Variants in MLLT3 observed in about 807,000 individuals in gnomAD.
The protein encoded by MLLT3 is protein AF-9.
Under a neutral mutation model 53.2 loss-of-function variants are expected in MLLT3, and 4 were observed. That is an observed-to-expected ratio of 0.08 (90% CI 0.04 to 0.17). The LOEUF is 0.17. Ranked by LOEUF, MLLT3 falls within the 10% of genes least tolerant of loss-of-function variation. The probability of loss-of-function intolerance (pLI) is 1.00; values close to 1 mark genes in which losing one functional copy is unlikely to be tolerated. For synonymous variants in MLLT3, 283 were observed against 230.6 expected (o/e 1.23, Z -2.06); for missense variants, 569 against 684.0 (o/e 0.83, Z 1.87).
At chr9:20,479,794 A>G (rs1426214015) in intron 2 of MLLT3, among the ~76,000 whole-genome samples, 1 of 152,236 alleles carries the variant, frequency 6.6e-6, no homozygotes, top group Non-Finnish European at 1.5e-5. Flanking sequence ...ATTCATTTGT[A>G]TATATAACCA....
intron 2 of MLLT3, among the ~76,000 whole-genome samples, chr9:20,578,140 G>C (rs912651120): frequency 7.2e-5 from 11 of 152,186 alleles, no homozygotes; most frequent in Non-Finnish European, 1.3e-4. Context: ...TGATAGAAGA[G>C]ATAGACAACA....
chr9:20,372,342 T>C (rs111895185), intron 5 of MLLT3, among the ~76,000 whole-genome samples: 3,660 of 152,262 alleles, frequency 0.024, 163 homozygotes, highest in African/African-American at 0.083. Context: ...ATGCTACAGA[T>C]AAATCTTTTG....
chr9:20,470,412 T>C (rs1424882244), intron 2 of MLLT3, among the ~76,000 whole-genome samples: 1 of 152,064 alleles, frequency 6.6e-6, no homozygotes, highest in Non-Finnish European at 1.5e-5. Context: ...ATTTCGTATG[T>C]TGAAAACCCA....
At chr9:20,519,822 T>C (rs1449389887) in intron 2 of MLLT3, among the ~76,000 whole-genome samples, 2 of 152,188 alleles carry the variant, frequency 1.3e-5, no homozygotes, top group African/African-American at 2.4e-5. Flanking sequence ...AGAATTACCA[T>C]TTGACCCAGC....
At position 20,484,501 on chromosome 9, in the gene MLLT3, T is replaced by C. The variant is rs147501256; in HGVS notation, c.194-27715A>G. On this transcript the variant is annotated intron_variant, in intron 2 of 10. Coordinates refer to ENST00000380338, the MANE Select transcript of MLLT3 (RefSeq NM_004529.4). ...TAGAACCAGAAATATTTATATACTTTTGGCTTTTACTCCCTCAACCCTATG... is the reference window on the plus strand; with the variant it reads ...TAGAACCAGAAATATTTATATACTTCTGGCTTTTACTCCCTCAACCCTATG... Among the ~76,000 whole-genome samples, 3 of 152,290 alleles carry C rather than the reference T, an allele frequency of 2.0e-5. No homozygotes were observed. In the East Asian group the frequency reaches 5.8e-4, roughly 29 times the overall value.
chr9:20,547,170 T>C (rs1409152239), intron 2 of MLLT3, among the ~76,000 whole-genome samples: 1 of 152,092 alleles, frequency 6.6e-6, no homozygotes, highest in Non-Finnish European at 1.5e-5. Flanking sequence ...ATATTAAAAA[T>C]TGAGATATGT....
chr9:20,552,018 C>T (rs1418754580), intron 2 of MLLT3, among the ~76,000 whole-genome samples: 1 of 152,186 alleles, frequency 6.6e-6, no homozygotes, highest in Admixed American at 6.5e-5. Flanking sequence ...CAGATCCACC[C>T]ACCCGGATCC....
chr9:20,347,358 ATTCAAT>A (rs1385596182), intron 10 of MLLT3, among the ~76,000 whole-genome samples: 1 of 152,202 alleles, frequency 6.6e-6, no homozygotes, highest in Non-Finnish European at 1.5e-5. Context: ...TATTTAAGGT[ATTCAAT>A]TAAATAGAAA....
At chr9:20,393,455 A>C (rs915621295) in intron 5 of MLLT3, among the ~76,000 whole-genome samples, 2 of 152,220 alleles carry the variant, frequency 1.3e-5, no homozygotes, top group African/African-American at 4.8e-5. Context: ...CTAAATGCTC[A>C]CATTACTCAC....
At position 20,342,022 on chromosome 9, in the gene MLLT3, A is replaced by G. The variant is rs1451063617; in HGVS notation, c.*4421T>C. On this transcript the variant is annotated 3_prime_UTR_variant, in exon 11 of 11. Coordinates refer to ENST00000380338, the MANE Select transcript of MLLT3 (RefSeq NM_004529.4). The stretch of plus-strand genomic sequence containing the variant: ...AATGAGGCATGGACTCTCTGCCTTC[A>G]GCTGGTTTTGGACACATTGTCCTCT... 4.9e-6 allele frequency: 1 copy of G among 205,124 alleles called. No individual in the cohort carries two copies. The allele number at this position is 205,124 out of a possible 1,614,324, so 12.7% of individuals were successfully genotyped here. A position where few individuals can be genotyped will look rare whatever the true frequency, so the allele number is the denominator to read the frequency against.
At position 20,420,872 on chromosome 9, in the gene MLLT3, A is replaced by G. The variant is rs528423427; in HGVS notation, c.421-6447T>C. 3.3e-5 allele frequency among the ~76,000 whole-genome samples: 5 copies of G among 152,348 alleles called. No homozygotes were observed. The South Asian group carries it at 1.0e-3, about 32-fold the overall frequency. ...GTTCAGAAGTTTTATATGTATCCAT[A>G]GAACACTGATAAAAATCAATCATAA... On this transcript the variant is annotated intron_variant, in intron 4 of 10. Coordinates refer to ENST00000380338, the MANE Select transcript of MLLT3 (RefSeq NM_004529.4).
At chr9:20,377,188 A>G (rs1821788455) in intron 5 of MLLT3, among the ~76,000 whole-genome samples, 2 of 152,226 alleles carry the variant, frequency 1.3e-5, no homozygotes, top group African/African-American at 4.8e-5. Context: ...ATTGGAGTTG[A>G]CCAATGAACA....
At chr9:20,347,994 T>C (rs752772590) in intron 10 of MLLT3, among the ~76,000 whole-genome samples, 2 of 152,194 alleles carry the variant, frequency 1.3e-5, no homozygotes, top group Non-Finnish European at 1.5e-5. Flanking sequence ...TGGCTCTTAA[T>C]AGAAAATGTG....
At chr9:20,347,590 G>C (rs1369609565) in intron 10 of MLLT3, among the ~76,000 whole-genome samples, 2 of 152,188 alleles carry the variant, frequency 1.3e-5, no homozygotes, top group African/African-American at 4.8e-5. Flanking sequence ...ACCATGTAAA[G>C]TATCTTCCCA....
intron 2 of MLLT3, among the ~76,000 whole-genome samples, chr9:20,591,948 C>T (rs1287504230): frequency 2.6e-5 from 4 of 151,872 alleles, no homozygotes; most frequent in African/African-American, 9.7e-5. Flanking sequence ...TCGCTTGAGC[C>T]CAGGAGTTCA....
chr9:20,617,719 T>A (rs1027370548), intron 2 of MLLT3, among the ~76,000 whole-genome samples: 1 of 152,160 alleles, frequency 6.6e-6, no homozygotes, highest in Admixed American at 6.5e-5. Flanking sequence ...TCATGGCTAA[T>A]AGACATTCCA....
At chr9:20,614,513 T>C (rs1356187946) in intron 2 of MLLT3, among the ~76,000 whole-genome samples, 1 of 152,154 alleles carries the variant, frequency 6.6e-6, no homozygotes, top group Non-Finnish European at 1.5e-5. Flanking sequence ...ATGTTAATAG[T>C]TAATATTGAT....
At chr9:20,581,664 C>A (rs1249082461) in intron 2 of MLLT3, among the ~76,000 whole-genome samples, 1 of 152,142 alleles carries the variant, frequency 6.6e-6, no homozygotes, top group Non-Finnish European at 1.5e-5. Context: ...GGATTCCATC[C>A]ACAGTTGATG....
intron 2 of MLLT3, among the ~76,000 whole-genome samples, chr9:20,475,003 C>T (rs1057386179): frequency 6.6e-6 from 1 of 151,926 alleles, no homozygotes; most frequent in African/African-American, 2.4e-5. Flanking sequence ...GTACACCAAC[C>T]CATCAAGCCA....
Sources: allele counts gnomAD v4.1 joint callset (sites outside exome capture counted in the v4.1 genomes callset), GRCh38; gene constraint gnomAD v4.1.1; transcripts MANE v1.5; gene names NCBI Gene and HGNC (gene_info 2026-07-23, HGNC 2026-07-21).